The following GRID2 variants were observed in gnomAD, a reference collection of about 807,000 sequenced individuals.
GRID2 encodes glutamate receptor ionotropic, delta-2.
In GRID2, 33 loss-of-function variants were observed where a neutral mutation model predicts 114.8. The observed-to-expected ratio is 0.29, with a 90% CI of 0.22 to 0.38. The LOEUF (loss-of-function observed/expected upper bound fraction) is 0.38. GRID2 is among the 10% of genes least tolerant of loss of function. The probability of loss-of-function intolerance (pLI) is 1.00; values close to 1 mark genes in which losing one functional copy is unlikely to be tolerated. For synonymous variants in GRID2, 505 were observed against 449.9 expected, an observed-to-expected ratio of 1.12 and a Z score of -1.55; for missense variants, 1,184 against 1,257.7, an observed-to-expected ratio of 0.94 and a Z score of 0.89.
At chr4:92,362,494 A>G (rs543810360) in intron 1 of GRID2, among the ~76,000 whole-genome samples, 1 of 152,096 alleles carries the variant, frequency 6.6e-6, no homozygotes, top group East Asian at 1.9e-4. Context: ...CCAATTATTT[A>G]ATTAAATTAA....
chr4:92,779,556 T>G (rs947368070), intron 2 of GRID2, among the ~76,000 whole-genome samples: 1 of 152,082 alleles, frequency 6.6e-6, no homozygotes, highest in Non-Finnish European at 1.5e-5. Flanking sequence ...GGAAGCAGGT[T>G]TCTCATATTC....
intron 2 of GRID2, among the ~76,000 whole-genome samples, chr4:92,974,185 C>A (rs1279753910): frequency 6.6e-6 from 1 of 152,084 alleles, no homozygotes; most frequent in African/African-American, 2.4e-5. Flanking sequence ...AGTCAGGAAA[C>A]AACAGATGCT....
intron 4 of GRID2, among the ~76,000 whole-genome samples, chr4:93,193,360 G>A (rs1379806685): frequency 1.3e-5 from 2 of 152,046 alleles, no homozygotes; most frequent in African/African-American, 4.8e-5. Context: ...TCATGGGAGA[G>A]ACCCGGTGGG....
intron 2 of GRID2, among the ~76,000 whole-genome samples, chr4:92,913,266 A>G (rs1410990719): frequency 6.6e-6 from 1 of 151,952 alleles, no homozygotes; most frequent in Non-Finnish European, 1.5e-5. Flanking sequence ...TGAAAGAATC[A>G]TCTGGAAAAT....
chr4:93,488,883 A>G (rs1726686746), intron 11 of GRID2, among the ~76,000 whole-genome samples: 1 of 151,964 alleles, frequency 6.6e-6, no homozygotes, highest in Admixed American at 6.6e-5. Context: ...ATATCGGATT[A>G]GAATCCATGC....
At chr4:93,393,192 A>G (rs546406453) in intron 8 of GRID2, among the ~76,000 whole-genome samples, 1 of 152,144 alleles carries the variant, frequency 6.6e-6, no homozygotes, top group East Asian at 1.9e-4. Context: ...CTAACTCTTG[A>G]CATCCACAGC....
chr4:92,411,651 G>GTATATATATATATATATATA (rs1365702947), intron 1 of GRID2, among the ~76,000 whole-genome samples: 62 of 96,270 alleles, frequency 6.4e-4, no homozygotes, highest in South Asian at 1.9e-3. Context: ...GTGTGTGTGT[G>GTATATATATATATATATATA]TGTGTATATA....
intron 2 of GRID2, among the ~76,000 whole-genome samples, chr4:92,647,057 C>A (rs554872101): frequency 6.6e-6 from 1 of 152,202 alleles, no homozygotes; most frequent in African/African-American, 2.4e-5. Context: ...GTACAATGAT[C>A]GGTTAGAGTG....
At chr4:92,795,624 T>A (rs986951275) in intron 2 of GRID2, among the ~76,000 whole-genome samples, 2 of 152,002 alleles carry the variant, frequency 1.3e-5, no homozygotes, top group Non-Finnish European at 2.9e-5. Context: ...ACCATACCAA[T>A]CCTTCTTACA....
intron 4 of GRID2, among the ~76,000 whole-genome samples, chr4:93,135,859 C>T (rs1466332281): frequency 6.6e-6 from 1 of 152,018 alleles, no homozygotes; most frequent in Non-Finnish European, 1.5e-5. Context: ...ATATCAAAAT[C>T]CTGCCAACAA....
intron 4 of GRID2, among the ~76,000 whole-genome samples, chr4:93,173,228 A>G (rs1341383205): frequency 6.6e-6 from 1 of 152,194 alleles, no homozygotes; most frequent in Non-Finnish European, 1.5e-5. Context: ...AATTCCAGTC[A>G]GATTCAAGAG....
chr4:93,647,212 AC>A (rs576991797), intron 14 of GRID2, among the ~76,000 whole-genome samples: 47 of 152,248 alleles, frequency 3.1e-4, no homozygotes, highest in Non-Finnish European at 5.9e-4. Flanking sequence ...AAAGATAGGC[AC>A]CTTTTTATAA....
At chr4:93,322,096 T>C (rs1402551643) in intron 8 of GRID2, among the ~76,000 whole-genome samples, 1 of 151,710 alleles carries the variant, frequency 6.6e-6, no homozygotes, top group East Asian at 1.9e-4. Context: ...GTGCACAACA[T>C]GCAGGTTTGT....
intron 8 of GRID2, among the ~76,000 whole-genome samples, chr4:93,270,533 T>A (rs1751336300): frequency 6.6e-6 from 1 of 152,194 alleles, no homozygotes; most frequent in African/African-American, 2.4e-5. Flanking sequence ...CACATCATCC[T>A]ATCCTACCAA....
At chr4:93,760,577 C>T (rs1337120460) in intron 14 of GRID2, among the ~76,000 whole-genome samples, 4 of 152,180 alleles carry the variant, frequency 2.6e-5, no homozygotes, top group Non-Finnish European at 5.9e-5. Flanking sequence ...GCTGGGCAGA[C>T]CACTTCACCT....
chr4:92,772,872 C>T (rs1357550845), intron 2 of GRID2, among the ~76,000 whole-genome samples: 1 of 152,150 alleles, frequency 6.6e-6, no homozygotes, highest in South Asian at 2.1e-4. Flanking sequence ...ATTCTTACCT[C>T]ACTGAAAGGT....
At chr4:92,944,794 G>C (rs924255648) in intron 2 of GRID2, among the ~76,000 whole-genome samples, 5 of 151,948 alleles carry the variant, frequency 3.3e-5, no homozygotes, top group African/African-American at 9.7e-5. Context: ...TTTTCCTATA[G>C]TATGTTGGAC....
intron 4 of GRID2, among the ~76,000 whole-genome samples, chr4:93,162,830 G>C (rs1389684145): frequency 6.6e-6 from 1 of 151,826 alleles, no homozygotes; most frequent in African/African-American, 2.4e-5. Flanking sequence ...AAAGATAATA[G>C]AACACCCAAG....
At chr4:92,919,332 T>A (rs1260315589) in intron 2 of GRID2, among the ~76,000 whole-genome samples, 1 of 152,050 alleles carries the variant, frequency 6.6e-6, no homozygotes, top group Non-Finnish European at 1.5e-5. Flanking sequence ...TTTTAAAGGG[T>A]TTTTTGTGTC....
Sources: gnomAD v4.1 joint callset for allele counts (sites outside exome capture counted in the v4.1 genomes callset) on GRCh38, gnomAD v4.1.1 for gene constraint, MANE v1.5 for transcripts, NCBI Gene and HGNC (gene_info 2026-07-23, HGNC 2026-07-21) for gene names.